LYPD6: variants seen among roughly 807,000 people sequenced by gnomAD.
The protein encoded by LYPD6 is ly6/PLAUR domain-containing protein 6.
LYPD6 carries 15 observed loss-of-function variants against 22.7 expected under a neutral mutation model. That is an observed-to-expected ratio of 0.66 (90% CI 0.44 to 1.02). The LOEUF is 1.02. Ranked by LOEUF, LYPD6 falls within the 50% of genes least tolerant of loss-of-function variation. The probability of loss-of-function intolerance (pLI) is 0.00; values close to 1 mark genes in which losing one functional copy is unlikely to be tolerated. For missense variants in LYPD6, 189 were observed against 208.4 expected (o/e 0.91, Z 0.57); for synonymous variants, 72 against 77.5 (o/e 0.93, Z 0.37).
At chr2:149,337,241 A>G (rs1193887894) in intron 1 of LYPD6, among the ~76,000 whole-genome samples, 1 of 152,150 alleles carries the variant, frequency 6.6e-6, no homozygotes, top group Non-Finnish European at 1.5e-5. Context: ...GAATTGAATG[A>G]TAGGATTAAA....
intron 1 of LYPD6, among the ~76,000 whole-genome samples, chr2:149,399,202 T>G (rs906675243): frequency 2.0e-5 from 3 of 152,234 alleles, no homozygotes; most frequent in Non-Finnish European, 4.4e-5. Flanking sequence ...AATACATCTT[T>G]TTTTTATTTT....
At chr2:149,464,509 C>T (rs1231891287) in intron 3 of LYPD6, 1 of 157,892 alleles carries the variant, frequency 6.3e-6, no homozygotes, top group Non-Finnish European at 1.4e-5. Context: ...AGATGCCAAG[C>T]TCTGAGTTAG....
At chr2:149,339,863 G>A (rs1194871310) in intron 1 of LYPD6, among the ~76,000 whole-genome samples, 1 of 152,082 alleles carries the variant, frequency 6.6e-6, no homozygotes, top group Non-Finnish European at 1.5e-5. Flanking sequence ...GGATTGTTAG[G>A]CAAAACGAAA....
intron 3 of LYPD6, chr2:149,464,453 T>C (rs1681158601): frequency 5.9e-6 from 1 of 169,186 alleles, no homozygotes; most frequent in African/African-American, 2.4e-5. Context: ...GGAGACAGTT[T>C]GGAGCCTCCA....
In LYPD6 at chr2:149,472,930, A is replaced by G. The variant is rs760850523; in HGVS notation, c.*2080A>G. On this transcript the variant is annotated 3_prime_UTR_variant, in exon 5 of 5. Transcript: ENST00000334166. ...TCATCCATCTTATCATGTGGAGTTT[A>G]TCTCACCCTGCTGTTGCAGGATGCT... The G allele has an allele frequency of 6.6e-6, 1 of 152,558 alleles. No homozygotes were observed. Among genetic ancestry groups the G allele is most frequent in the African/African-American group, 2.4e-5 (1 of 41,450 alleles). The allele number at this position is 152,558 out of a possible 1,614,324, so 9.5% of individuals were successfully genotyped here.
At chr2:149,405,984 G>A (rs1394841202) in intron 1 of LYPD6, among the ~76,000 whole-genome samples, 14 of 147,894 alleles carry the variant, frequency 9.5e-5, no homozygotes, top group East Asian at 2.0e-4. Context: ...CCTTCATTTC[G>A]TTATGTACCC....
chr2:149,407,632 G>A (rs78791590), intron 1 of LYPD6, among the ~76,000 whole-genome samples: 1 of 152,008 alleles, frequency 6.6e-6, no homozygotes, highest in Non-Finnish European at 1.5e-5. Context: ...TTATACATTC[G>A]TCTAAATTTT....
the LYPD6 span, among the ~76,000 whole-genome samples, chr2:149,482,036 A>G: frequency 0.068 from 10,315 of 152,216 alleles, 519 homozygotes; most frequent in Non-Finnish European, 0.11. Flanking sequence ...AAATCTACCA[A>G]TGTTGGAATC....
chr2:149,460,253 C>T (rs780225444), intron 3 of LYPD6, among the ~76,000 whole-genome samples: 2 of 152,128 alleles, frequency 1.3e-5, no homozygotes, highest in Middle Eastern at 3.4e-3. Flanking sequence ...ATATGTTAAA[C>T]CATGACCCAA....
At chr2:149,339,766 C>G (rs2105047734) in intron 1 of LYPD6, among the ~76,000 whole-genome samples, 1 of 152,234 alleles carries the variant, frequency 6.6e-6, no homozygotes, top group African/African-American at 2.4e-5. Context: ...CCTGCTCATC[C>G]TTATTCTCTG....
At chr2:149,482,093 G>A in the LYPD6 span, among the ~76,000 whole-genome samples, 5 of 151,948 alleles carry the variant, frequency 3.3e-5, no homozygotes, top group Non-Finnish European at 7.4e-5. Flanking sequence ...GAGATAATCT[G>A]GAGAAAATGA....
In LYPD6 at chr2:149,372,992, A is replaced by G. The variant is rs16826923; in HGVS notation, c.-72+42270A>G. ...TTAAGATCCTTTAGGGAGTTACAGG[A>G]TCAGATTTGTGCTTTGAGTAGCTCT... On this transcript the variant is annotated intron_variant, in intron 1 of 4. Transcript: ENST00000334166. Among the ~76,000 whole-genome samples the G allele has an allele frequency of 7.0e-3, 1,061 of 152,244 alleles. 7 individuals are homozygous for G. The highest frequency in any genetic ancestry group is 0.025 in the African/African-American group (1,028 of 41,530).
chr2:149,349,728 CAT>C (rs773061794), intron 1 of LYPD6, among the ~76,000 whole-genome samples: 7 of 152,268 alleles, frequency 4.6e-5, no homozygotes, highest in African/African-American at 7.2e-5. Context: ...TTGAAACTGA[CAT>C]GTGGGGAATT....
chr2:149,403,067 T>C (rs1165881346), intron 1 of LYPD6, among the ~76,000 whole-genome samples: 1 of 152,018 alleles, frequency 6.6e-6, no homozygotes, highest in Non-Finnish European at 1.5e-5. Context: ...AACTCATCCT[T>C]TTTTATGGCT....
intron 2 of LYPD6, among the ~76,000 whole-genome samples, chr2:149,446,596 A>T (rs751487470): frequency 1.3e-5 from 2 of 152,202 alleles, no homozygotes; most frequent in African/African-American, 2.4e-5. Flanking sequence ...TTCCTCATGA[A>T]AATGGAGTGG....
At chr2:149,466,344 G>A (rs1681200671) in intron 3 of LYPD6, among the ~76,000 whole-genome samples, 1 of 152,184 alleles carries the variant, frequency 6.6e-6, no homozygotes, top group Admixed American at 6.5e-5. Context: ...AAGATAAGAA[G>A]TGGAATAAAT....
chr2:149,336,706 C>T (rs1293817134), intron 1 of LYPD6, among the ~76,000 whole-genome samples: 2 of 152,004 alleles, frequency 1.3e-5, no homozygotes, highest in Non-Finnish European at 2.9e-5. Context: ...CTTCTTTTAC[C>T]TGTGTTCTCC....
chr2:149,409,796 TC>T lies in LYPD6; in HGVS notation c.-71-27840del, dbSNP rs371121462. ...TGGCAGTCCTAAAGGCTGGTCTCAC[TC>T]CTACCGTGAGTAGGAGGGCTCACTA... is the stretch of plus-strand genomic sequence containing the variant. On this transcript the variant is annotated intron_variant, in intron 1 of 4. Coordinates refer to ENST00000334166, the MANE Select transcript of LYPD6 (RefSeq NM_194317.5). 3.3e-5 allele frequency among the ~76,000 whole-genome samples: 5 copies of T among 152,112 alleles called. No homozygotes were observed. The East Asian group carries it at 7.7e-4, about 23-fold the overall frequency.
intron 3 of LYPD6, among the ~76,000 whole-genome samples, chr2:149,459,398 A>C (rs899214209): frequency 4.3e-4 from 65 of 152,226 alleles, no homozygotes; most frequent in African/African-American, 1.5e-3. Flanking sequence ...GGCTGAAGGA[A>C]GCTCTATATG....
Sources: gnomAD v4.1 joint callset for allele counts (sites outside exome capture counted in the v4.1 genomes callset) on GRCh38, gnomAD v4.1.1 for gene constraint, MANE v1.5 for transcripts, NCBI Gene and HGNC (gene_info 2026-07-23, HGNC 2026-07-21) for gene names.